The following DAB1 variants were observed in gnomAD, a reference collection of about 807,000 sequenced individuals.
The protein encoded by DAB1 is disabled homolog 1.
Under a neutral mutation model 64.6 loss-of-function variants are expected in DAB1, and 15 were observed. That is an observed-to-expected ratio of 0.23 (90% CI 0.16 to 0.36). The LOEUF is 0.36. Ranked by LOEUF, DAB1 falls within the 10% of genes least tolerant of loss-of-function variation. The pLI, the probability that DAB1 is intolerant of heterozygous loss-of-function variation, is 1.00. For synonymous variants in DAB1, 235 were observed against 251.9 expected, an observed-to-expected ratio of 0.93 and a Z score of 0.64; for missense variants, 596 against 706.7, an observed-to-expected ratio of 0.84 and a Z score of 1.78.
chr1:58,288,546 T>C (rs971063575), intron 4 of DAB1, among the ~76,000 whole-genome samples: 11 of 152,180 alleles, frequency 7.2e-5, no homozygotes, highest in African/African-American at 2.7e-4. Flanking sequence ...ATCTACTTCT[T>C]GAGCATTCTC....
intron 4 of DAB1, among the ~76,000 whole-genome samples, chr1:58,325,893 G>A (rs193237875): frequency 1.2e-4 from 19 of 152,286 alleles, no homozygotes; most frequent in Non-Finnish European, 2.8e-4. Context: ...CCAAGTGGAA[G>A]TAAAAACCTG....
intron 1 of DAB1, among the ~76,000 whole-genome samples, chr1:57,389,430 T>G (rs1398806014): frequency 6.6e-6 from 1 of 152,124 alleles, no homozygotes; most frequent in Non-Finnish European, 1.5e-5. Context: ...CCAAGATCCC[T>G]GGGGAACAGT....
intron 3 of DAB1, among the ~76,000 whole-genome samples, chr1:58,505,004 G>C (rs1645964355): frequency 6.6e-6 from 1 of 151,916 alleles, no homozygotes; most frequent in African/African-American, 2.4e-5. Context: ...GCTGACTAGA[G>C]TGCAGTGGCA....
intron 2 of DAB1, among the ~76,000 whole-genome samples, chr1:57,271,760 T>C (rs1671018246): frequency 6.6e-6 from 1 of 152,216 alleles, no homozygotes; most frequent in Non-Finnish European, 1.5e-5. Context: ...CTGATTTTTG[T>C]TTGGTAGTTG....
chr1:57,114,863 T>A (rs1655970109), intron 4 of DAB1, among the ~76,000 whole-genome samples: 1 of 152,196 alleles, frequency 6.6e-6, no homozygotes, highest in Non-Finnish European at 1.5e-5. Context: ...CCATCTGGGT[T>A]CCATTTCAGG....
intron 6 of DAB1, among the ~76,000 whole-genome samples, chr1:57,772,266 T>C (rs528611919): frequency 6.6e-6 from 1 of 152,238 alleles, no homozygotes; most frequent in South Asian, 2.1e-4. Flanking sequence ...GACCCTTGCA[T>C]CTCAATTTTG....
chr1:57,256,025 G>A (rs560917538), intron 2 of DAB1, among the ~76,000 whole-genome samples: 11 of 152,232 alleles, frequency 7.2e-5, no homozygotes, highest in African/African-American at 2.4e-4. Context: ...TCAAGGAACC[G>A]ACATGTGTGT....
Position 57,732,934 on chromosome 1 carries a change from G to A in DAB1, n.552-83269C>T, listed in dbSNP as rs559623286. ...ATTGTTATTTTGAAATTCATAATAA[G>A]TTTTAAGCAAAGGGCCCTGATTTTC... On this transcript the variant is annotated intron_variant and non_coding_transcript_variant, in intron 6 of 20. Transcript: ENST00000485760. 2.6e-4 allele frequency among the ~76,000 whole-genome samples: 39 copies of A among 152,212 alleles called. No individual in the cohort carries two copies. In the Middle Eastern group the frequency reaches 0.017, roughly 66 times the overall value.
chr1:58,204,767 C>A (rs1311419903), intron 4 of DAB1, among the ~76,000 whole-genome samples: 8 of 152,270 alleles, frequency 5.3e-5, no homozygotes, highest in Admixed American at 5.2e-4. Flanking sequence ...ATCAAGCAGC[C>A]TTTGCCAACA....
At chr1:57,462,762 G>T (rs1044200899) in intron 7 of DAB1, among the ~76,000 whole-genome samples, 13 of 152,032 alleles carry the variant, frequency 8.6e-5, no homozygotes, top group Non-Finnish European at 1.6e-4. Flanking sequence ...AATATTTGGT[G>T]GTTTATTATT....
chr1:58,392,759 C>G (rs1229664386), intron 3 of DAB1, among the ~76,000 whole-genome samples: 2 of 152,204 alleles, frequency 1.3e-5, no homozygotes, highest in Non-Finnish European at 2.9e-5. Context: ...TCCTGTTCAC[C>G]TCTCCACTGA....
intron 7 of DAB1, among the ~76,000 whole-genome samples, chr1:57,584,054 C>T (rs535951529): frequency 2.5e-4 from 38 of 152,262 alleles, no homozygotes; most frequent in Non-Finnish European, 4.6e-4. Flanking sequence ...AGACTGAAAA[C>T]CTAACTTAGG....
chr1:58,373,985 A>G (rs1376272195), intron 3 of DAB1, among the ~76,000 whole-genome samples: 1 of 136,946 alleles, frequency 7.3e-6, no homozygotes, highest in African/African-American at 2.7e-5. Flanking sequence ...TTCTTTTGAG[A>G]AGTGTCTGTT....
intron 6 of DAB1, among the ~76,000 whole-genome samples, chr1:57,816,095 C>T (rs961409702): frequency 2.0e-5 from 3 of 152,156 alleles, no homozygotes; most frequent in African/African-American, 7.2e-5. Context: ...GAGTACTGAG[C>T]TCAAAGTAAT....
At chr1:57,151,807 A>ATTTTTTTT (rs34012935) in intron 2 of DAB1, among the ~76,000 whole-genome samples, 47 of 106,230 alleles carry the variant, frequency 4.4e-4, no homozygotes, top group African/African-American at 6.2e-4. Flanking sequence ...CTAATGTTTA[A>ATTTTTTTT]TTTTTTTTTT....
At chr1:58,037,269 C>A (rs925835340) in intron 5 of DAB1, among the ~76,000 whole-genome samples, 1 of 152,166 alleles carries the variant, frequency 6.6e-6, no homozygotes, top group African/African-American at 2.4e-5. Context: ...CAATGCATGG[C>A]AGGCATGAGC....
chr1:57,903,743 G>A (rs1419273478), intron 5 of DAB1, among the ~76,000 whole-genome samples: 1 of 152,176 alleles, frequency 6.6e-6, no homozygotes. Flanking sequence ...GGTTGTGGGT[G>A]CTCACTGGTT....
At chr1:57,098,380 C>T (rs1327955653) in intron 4 of DAB1, among the ~76,000 whole-genome samples, 2 of 152,214 alleles carry the variant, frequency 1.3e-5, no homozygotes, top group East Asian at 3.9e-4. Flanking sequence ...ATATTCTTGT[C>T]CAAGGTCACA....
intron 7 of DAB1, among the ~76,000 whole-genome samples, chr1:57,468,150 C>A (rs888685407): frequency 6.6e-6 from 1 of 152,178 alleles, no homozygotes; most frequent in Non-Finnish European, 1.5e-5. Context: ...CTACATTTTT[C>A]TTGGTATCCC....
Sources: allele counts gnomAD v4.1 joint callset (sites outside exome capture counted in the v4.1 genomes callset), GRCh38; gene constraint gnomAD v4.1.1; transcripts MANE v1.5; gene names NCBI Gene and HGNC (gene_info 2026-07-23, HGNC 2026-07-21).